TMEM236: variants seen among roughly 807,000 people sequenced by gnomAD.
TMEM236 encodes the protein transmembrane protein 236.
In TMEM236, 11 loss-of-function variants were observed where a neutral mutation model predicts 14.7. The ratio of observed to expected loss-of-function variants is 0.75; its 90% CI spans 0.47 to 1.24. The LOEUF is 1.24. Ranked by LOEUF, TMEM236 falls within the 50% of genes most tolerant of loss-of-function variation. TMEM236 has a pLI of 0.00. For synonymous variants in TMEM236, 182 were observed against 168.6 expected (o/e 1.08, Z -0.62); for missense variants, 464 against 427.3 (o/e 1.09, Z -0.76).
At chr10:17,781,293 C>T (rs1164852735) in intron 3 of TMEM236, among the ~76,000 whole-genome samples, 1 of 152,198 alleles carries the variant, frequency 6.6e-6, no homozygotes, top group Non-Finnish European at 1.5e-5. Flanking sequence ...ATAATTTCTT[C>T]TTAACTCCTA....
Position 17,752,207 on chromosome 10 carries a change from C to T in TMEM236, c.-89C>T. On this transcript the variant is annotated 5_prime_UTR_variant, in exon 1 of 4. Coordinates refer to ENST00000377495, the MANE Select transcript of TMEM236 (RefSeq NM_001098844.3). ...TGGTTAGCGATTCGAGGACAAGGAA[C>T]TTGATCCCAGTTCAGTGTCTGTGGG... 7.5e-6 allele frequency: 12 copies of T among 1,607,588 alleles called. No homozygotes were observed. The South Asian group carries it at 1.3e-4, about 18-fold the overall frequency.
At position 17,796,516 on chromosome 10, in the gene TMEM236, G is replaced by T; in HGVS notation, c.*12G>T. On this transcript the variant is annotated 3_prime_UTR_variant, in exon 4 of 4. Transcript: ENST00000377495. ...TGTCTCCATTTTAAAAAGGAAATGG[G>T]ATCTAGTAAGGCCTCTTTGTGATAC... The T allele has an allele frequency of 2.5e-6, 4 of 1,590,014 alleles. No individual in the cohort carries two copies. In the South Asian group the frequency reaches 4.4e-5, roughly 18 times the overall value.
At chr10:17,771,814 A>G (rs1837577762) in intron 2 of TMEM236, among the ~76,000 whole-genome samples, 1 of 152,228 alleles carries the variant, frequency 6.6e-6, no homozygotes, top group African/African-American at 2.4e-5. Flanking sequence ...TTTATTTGAA[A>G]ATAATACTGA....
rs1053741970 is a variant in TMEM236 at position 17,786,381 on chromosome 10, C to T, written c.473-9540C>T. Among the ~76,000 whole-genome samples, 360 of 152,292 alleles carry T rather than the reference C, an allele frequency of 2.4e-3. 3 individuals carry two copies. The highest frequency in any genetic ancestry group is 8.1e-3 in the African/African-American group (336 of 41,562). ...TCTTTTTCTCTTCTGTTTTTTGAGA[C>T]AATGTCTCATTCTGTTGTCCATGCT... On this transcript the variant is annotated intron_variant, in intron 3 of 3. Coordinates refer to ENST00000377495, the MANE Select transcript of TMEM236 (RefSeq NM_001098844.3).
chr10:17,766,167 CTCTTTCT>C (rs1218822594), intron 1 of TMEM236, among the ~76,000 whole-genome samples: 43 of 152,310 alleles, frequency 2.8e-4, no homozygotes, highest in African/African-American at 1.0e-3. Context: ...CAACTTATCT[CTCTTTCT>C]TCATTCACAT....
In TMEM236 at chr10:17,797,818, A is replaced by C. The variant is rs1452489457; in HGVS notation, c.*1314A>C. Reference sequence around the variant, plus strand: ...GTTTAGTATAATGAAGTCAAGGTACATCAGTAATACCAAGATAAAGTTTCA... The same window carrying C: ...GTTTAGTATAATGAAGTCAAGGTACCTCAGTAATACCAAGATAAAGTTTCA... On this transcript the variant is annotated 3_prime_UTR_variant, in exon 4 of 4. Coordinates refer to ENST00000377495, the MANE Select transcript of TMEM236 (RefSeq NM_001098844.3). 6.6e-6 allele frequency: 1 copy of C among 152,228 alleles called. No individual in the cohort carries two copies. Among genetic ancestry groups the C allele is most frequent in the Non-Finnish European group, 1.5e-5 (1 of 68,064 alleles). 9.4% of individuals were successfully genotyped at this position (152,228 alleles called of 1,614,324 possible).
Position 17,799,549 on chromosome 10 carries a change from T to A in TMEM236, c.*3045T>A, listed in dbSNP as rs1205307788. The A allele has an allele frequency of 1.3e-5, 2 of 152,186 alleles. No individual in the cohort carries two copies. Among genetic ancestry groups the A allele is most frequent in the African/African-American group, 4.8e-5 (2 of 41,388 alleles). 9.4% of individuals were successfully genotyped at this position (152,186 alleles called of 1,614,324 possible). A position where few individuals can be genotyped will look rare whatever the true frequency, so the allele number is the denominator to read the frequency against. On this transcript the variant is annotated 3_prime_UTR_variant, in exon 4 of 4. Transcript: ENST00000377495. ...GGCAGAGGTTGCAATGAGCTGAGAT[T>A]GCGCCATTGCACACCAGCCTGGGTG...
intron 3 of TMEM236, among the ~76,000 whole-genome samples, chr10:17,793,303 A>C (rs1837957009): frequency 6.6e-6 from 1 of 152,184 alleles, no homozygotes; most frequent in African/African-American, 2.4e-5. Context: ...CTGGCTTTGA[A>C]ACAATGCTGA....
chr10:17,754,468 G>T (rs952122910), intron 1 of TMEM236, among the ~76,000 whole-genome samples: 7 of 152,074 alleles, frequency 4.6e-5, no homozygotes, highest in South Asian at 4.2e-4. Context: ...GGGACTACAG[G>T]TGCACACCAC....
chr10:17,757,778 GT>G (rs1332082894), intron 1 of TMEM236, among the ~76,000 whole-genome samples: 1 of 151,640 alleles, frequency 6.6e-6, no homozygotes, highest in Non-Finnish European at 1.5e-5. Flanking sequence ...GTTTTGTTTT[GT>G]GTTTTTTGAG....
intron 3 of TMEM236, among the ~76,000 whole-genome samples, chr10:17,792,773 T>G (rs1181440775): frequency 6.6e-6 from 1 of 152,214 alleles, no homozygotes; most frequent in Non-Finnish European, 1.5e-5. Flanking sequence ...TGCTTATATC[T>G]TCTATAGATT....
At chr10:17,757,296 C>T (rs1030064948) in intron 1 of TMEM236, among the ~76,000 whole-genome samples, 1,634 of 152,214 alleles carry the variant, frequency 0.011, 31 homozygotes, top group African/African-American at 0.036. Flanking sequence ...ACTTTGTCAA[C>T]TGATAAAGCT....
At chr10:17,760,461 C>A (rs1449263845) in intron 1 of TMEM236, among the ~76,000 whole-genome samples, 2 of 151,920 alleles carry the variant, frequency 1.3e-5, no homozygotes, top group Non-Finnish European at 2.9e-5. Context: ...GCATACATTT[C>A]AGAGTTATCA....
chr10:17,767,196 C>T (rs1837481420), intron 1 of TMEM236, among the ~76,000 whole-genome samples: 1 of 152,178 alleles, frequency 6.6e-6, no homozygotes. Flanking sequence ...GGCATGGTGG[C>T]TCACGCCTGT....
intron 1 of TMEM236, among the ~76,000 whole-genome samples, chr10:17,763,203 C>T (rs1012325676): frequency 6.6e-6 from 1 of 152,096 alleles, no homozygotes; most frequent in Non-Finnish European, 1.5e-5. Context: ...TTACTGGGCA[C>T]AGACTTGGTA....
rs1204161772 is a variant in TMEM236, at chr10:17,800,432, C to T, written c.*3928C>T. The T allele has an allele frequency of 6.6e-6, 1 of 151,638 alleles. No homozygotes were observed. Among genetic ancestry groups the T allele is most frequent in the African/African-American group, 2.4e-5 (1 of 41,256 alleles). The allele number at this position is 151,638 out of a possible 1,614,324, so 9.4% of individuals were successfully genotyped here. ...TATAATTTTACAAAAAATTCTAATA[C>T]CTGTAATACACTTTTTAGTGCCTTT... On this transcript the variant is annotated 3_prime_UTR_variant, in exon 4 of 4. Transcript: ENST00000377495.
At chr10:17,778,307 G>A (rs1589148181) in intron 3 of TMEM236, among the ~76,000 whole-genome samples, 1 of 152,100 alleles carries the variant, frequency 6.6e-6, no homozygotes, top group African/African-American at 2.4e-5. Flanking sequence ...TTGTAAATAT[G>A]AATCATACAT....
At chr10:17,775,115 C>A (rs1196834323) in intron 2 of TMEM236, among the ~76,000 whole-genome samples, 1 of 152,148 alleles carries the variant, frequency 6.6e-6, no homozygotes, top group Non-Finnish European at 1.5e-5. Context: ...CTGTTTATTT[C>A]ATTCTCTGGC....
intron 1 of TMEM236, among the ~76,000 whole-genome samples, chr10:17,759,912 G>C (rs1440931421): frequency 2.7e-5 from 4 of 150,686 alleles, no homozygotes; most frequent in Non-Finnish European, 4.4e-5. Context: ...GAACCCGGGA[G>C]GCGGAGCTTG....
Sources: gnomAD v4.1 joint callset for allele counts (sites outside exome capture counted in the v4.1 genomes callset) on GRCh38, gnomAD v4.1.1 for gene constraint, MANE v1.5 for transcripts, NCBI Gene and HGNC (gene_info 2026-07-23, HGNC 2026-07-21) for gene names.